The following LIPN variants were observed in gnomAD, a reference collection of about 807,000 sequenced individuals.
LIPN encodes the protein lipase family member N.
A neutral mutation model predicts 43.7 loss-of-function variants in LIPN; 32 were observed. The observed-to-expected ratio is 0.73, with a 90% CI of 0.55 to 0.98. The LOEUF is 0.98. LIPN is among the 50% of genes least tolerant of loss of function. LIPN has a pLI of 0.00. For synonymous variants in LIPN, 156 were observed against 157.6 expected, an observed-to-expected ratio of 0.99 and a Z score of 0.08; for missense variants, 505 against 483.8, an observed-to-expected ratio of 1.04 and a Z score of -0.41.
rs768454055 is a variant in LIPN at position 88,778,113 on chromosome 10, C to A, written c.1068C>A (p.Leu356=). 6.2e-7 allele frequency: 1 copy of A among 1,613,610 alleles called. No homozygotes were observed. Among genetic ancestry groups the A allele is most frequent in the South Asian group, 1.1e-5 (1 of 91,062 alleles). ...LVTPQDVARI[L]PQIKSLHYFK... is the part of the protein sequence containing the mutation. ...CACCCCAGGATGTGGCCAGGATACT[C>A]CCTCAAATCAAGAGTCTTCATTACT... The change falls in exon 10 of 10, where the codon CTC becomes CTA. Residue 356 remains leucine (L), a synonymous_variant. Transcript: ENST00000404459.
chr10:88,769,678 T>C (rs1164920640), intron 6 of LIPN: 1 of 611,988 alleles, frequency 1.6e-6, no homozygotes. Flanking sequence ...ATCAAAATAA[T>C]TCATATATAA....
Position 88,766,397 on chromosome 10 carries a change from C to G in LIPN, c.535+19C>G, listed in dbSNP as rs368964551. The G allele has an allele frequency of 7.1e-7, 1 of 1,416,368 alleles. No homozygotes were observed. The highest frequency in any genetic ancestry group is 1.0e-6 in the Non-Finnish European group (1 of 1,001,458). 87.7% of individuals were successfully genotyped at this position (1,416,368 alleles called of 1,614,324 possible). ...ACAATAGGTATGTTTATGAGGGTCA[C>G]TGTTAGGTGTGTTTTTGAGGGTCAG... On this transcript the variant is annotated intron_variant, in intron 5 of 9. Coordinates refer to ENST00000404459, the MANE Select transcript of LIPN (RefSeq NM_001102469.2).
At position 88,778,241 on chromosome 10, in the gene LIPN, AAATGC is replaced by A. The variant is rs775855409; in HGVS notation, c.*6_*10del. 6.3e-7 allele frequency: 1 copy of A among 1,596,884 alleles called. No individual in the cohort carries two copies. Among genetic ancestry groups the A allele is most frequent in the South Asian group, 1.1e-5 (1 of 89,284 alleles). On this transcript the variant is annotated stop_retained_variant and 3_prime_UTR_variant, in exon 10 of 10. Coordinates refer to ENST00000404459, the MANE Select transcript of LIPN (RefSeq NM_001102469.2). ...ATAGCTTTAATGAAGGCATATTCCT[AAATGC>A]AATGCATTTACTTTTCAATTAAAAG...
chr10:88,774,520 A>G lies in LIPN; in HGVS notation c.867A>G (p.Val289=), dbSNP rs1590182931. 1.2e-6 allele frequency: 2 copies of G among 1,611,060 alleles called. No individual in the cohort carries two copies. The highest frequency in any genetic ancestry group is 1.3e-5 in the African/African-American group (1 of 74,878). The change falls in exon 8 of 10, where the codon GTA becomes GTG. Residue 289 remains valine, a synonymous_variant. Transcript: ENST00000404459. ...YMSHAPTGSS[V]HNILHIKQLY... is the part of the protein sequence containing the mutation. ...CACATGCTCCCACTGGTTCATCAGT[A>G]CACAACATTCTGCATATAAAACAGG...
In LIPN at chr10:88,761,090, T is replaced by G. The variant is rs303465; in HGVS notation, c.-8-308T>G. ...GTCCTCTGAATCTTTAGATATTTTG[T>G]CAAATTGTAGGCAAACAAAGACTTA... On this transcript the variant is annotated intron_variant, in intron 1 of 9. Transcript: ENST00000404459. Among the ~76,000 whole-genome samples the G allele has an allele frequency of 0.24, 36,088 of 151,990 alleles. 4,428 individuals are homozygous for G. Among genetic ancestry groups the G allele is most frequent in the East Asian group, 0.37 (1,886 of 5,152 alleles).
intron 6 of LIPN, 88 bp downstream of exon 6, chr10:88,769,016 A>T: frequency 7.7e-7 from 1 of 1,296,276 alleles, no homozygotes; most frequent in Non-Finnish European, 1.1e-6. Flanking sequence ...AAGTAAAAGT[A>T]GGAAATTTAG....
intron 7 of LIPN, among the ~76,000 whole-genome samples, chr10:88,773,407 GGA>G (rs1843242807): frequency 4.0e-5 from 6 of 151,798 alleles, no homozygotes; most frequent in Admixed American, 3.9e-4. Context: ...TCCTAAAAAA[GGA>G]GAGAAGCACA....
chr10:88,771,744 CTT>C (rs34229714), intron 7 of LIPN, among the ~76,000 whole-genome samples: 13 of 145,336 alleles, frequency 8.9e-5, no homozygotes, highest in African/African-American at 1.0e-4. Context: ...GATTGATTTC[CTT>C]TTTTTTTTTT....
At chr10:88,758,327 G>T (rs943871105), upstream of LIPN, among the ~76,000 whole-genome samples, 1 of 148,980 alleles carries the variant, frequency 6.7e-6, no homozygotes, top group Non-Finnish European at 1.5e-5. Context: ...CTTCTGAAAG[G>T]TTACCCCTTT....
chr10:88,770,467 AG>A (rs1234854195), intron 6 of LIPN, among the ~76,000 whole-genome samples: 1 of 151,828 alleles, frequency 6.6e-6, no homozygotes, highest in Admixed American at 6.6e-5. Flanking sequence ...GGCAGAATAC[AG>A]GGAAGCTTCA....
At chr10:88,763,970 T>C (rs955265812) in intron 3 of LIPN, among the ~76,000 whole-genome samples, 8 of 151,966 alleles carry the variant, frequency 5.3e-5, no homozygotes, top group African/African-American at 1.9e-4. Flanking sequence ...TACAAATACA[T>C]AGAGCACAGT....
At chr10:88,771,494 A>G (rs1301663654) in intron 7 of LIPN, among the ~76,000 whole-genome samples, 4 of 151,802 alleles carry the variant, frequency 2.6e-5, no homozygotes, top group Non-Finnish European at 5.9e-5. Flanking sequence ...AAACTCCCCT[A>G]TATGAGTGAG....
upstream of LIPN, among the ~76,000 whole-genome samples, chr10:88,758,037 TTTGAG>T (rs1842947874): frequency 6.6e-6 from 1 of 152,158 alleles, no homozygotes; most frequent in Admixed American, 6.6e-5. Context: ...CCTTTTTAAC[TTTGAG>T]TTATTTTCAA....
Position 88,778,263 on chromosome 10 carries a change from A to G in LIPN, c.*21A>G, listed in dbSNP as rs303485. ...CCTAAATGCAATGCATTTACTTTTC[A>G]ATTAAAAGTTGCTTCCAAGCCCATA... On this transcript the variant is annotated 3_prime_UTR_variant, in exon 10 of 10. Coordinates refer to ENST00000404459, the MANE Select transcript of LIPN (RefSeq NM_001102469.2). The G allele has an allele frequency of 0.19, 296,054 of 1,555,100 alleles. 29,391 individuals carry two copies. The highest frequency in any genetic ancestry group is 0.21 in the Non-Finnish European group (237,169 of 1,141,840).
At chr10:88,768,015 TACACACACACACACACACACACAC>T (rs60861050) in intron 5 of LIPN, among the ~76,000 whole-genome samples, 2 of 140,980 alleles carry the variant, frequency 1.4e-5, no homozygotes, top group African/African-American at 2.6e-5. Context: ...AGTGTTTCAG[TACACACACACACACACACACACAC>T]ACACACACAC....
In LIPN at chr10:88,774,473, A is replaced by G. The variant is rs1212957065; in HGVS notation, c.820A>G (p.Ser274Gly). The G allele has an allele frequency of 6.2e-7, 1 of 1,608,124 alleles. No individual in the cohort carries two copies. The highest frequency in any genetic ancestry group is 8.5e-7 in the Non-Finnish European group (1 of 1,176,170). ...GTAATATGAGTTTTATCTCCTTTAG[A>G]GTCGAATGGATGTGTATATGTCACA... ...AGSNKKNMNQSRMDVYMSHAP... is the reference protein window; with the variant it reads ...AGSNKKNMNQGRMDVYMSHAP... Residue 274 changes from serine to glycine, a missense_variant and splice_region_variant, in exon 8 of 10, where the codon AGT becomes GGT. Transcript: ENST00000404459.
upstream of LIPN, among the ~76,000 whole-genome samples, chr10:88,758,957 G>T (rs1433690523): frequency 6.6e-6 from 1 of 152,036 alleles, no homozygotes; most frequent in Non-Finnish European, 1.5e-5. Context: ...ATAAAGTTTT[G>T]TTAGAAAGGA....
At chr10:88,759,052 C>T (rs984331154), upstream of LIPN, among the ~76,000 whole-genome samples, 1 of 152,114 alleles carries the variant, frequency 6.6e-6, no homozygotes, top group African/African-American at 2.4e-5. Flanking sequence ...GCAAAACATG[C>T]TTGAGTCTTT....
Position 88,778,376 on chromosome 10 carries a change from A to C in LIPN, c.*134A>C, listed in dbSNP as rs941022594. 3.0e-5 allele frequency: 19 copies of C among 631,298 alleles called. No individual in the cohort carries two copies. Among genetic ancestry groups the C allele is most frequent in the Middle Eastern group, 8.4e-4 (2 of 2,384 alleles). 39.1% of individuals were successfully genotyped at this position (631,298 alleles called of 1,614,324 possible). A position where few individuals can be genotyped will look rare whatever the true frequency, so the allele number is the denominator to read the frequency against. On this transcript the variant is annotated 3_prime_UTR_variant, in exon 10 of 10. Transcript: ENST00000404459. ...CACAGTGGAGTCTGTTTTCCAAGTC[A>C]ATTGTGTTAGTGTTATTTATGTTTA...
Sources: allele counts gnomAD v4.1 joint callset (sites outside exome capture counted in the v4.1 genomes callset), GRCh38; gene constraint gnomAD v4.1.1; transcripts MANE v1.5; gene names NCBI Gene and HGNC (gene_info 2026-07-23, HGNC 2026-07-21).